Variants in UNC79 observed in about 807,000 individuals in gnomAD.
UNC79 encodes protein unc-79 homolog.
UNC79 carries 37 observed loss-of-function variants against 283.1 expected under a neutral mutation model. The observed-to-expected ratio is 0.13, with a 90% CI of 0.10 to 0.17. UNC79 has a LOEUF of 0.17. Among genes scored for constraint, UNC79 ranks in the 10% least tolerant of loss-of-function variants. The pLI is 1.00. For synonymous variants in UNC79, 1,107 were observed against 1,200.2 expected, an observed-to-expected ratio of 0.92 and a Z score of 1.61; for missense variants, 2,272 against 3,211.1, an observed-to-expected ratio of 0.71 and a Z score of 7.07.
At chr14:93,532,655 C>T in intron 11 of UNC79, 77 bp downstream of exon 11, 1 of 1,569,390 alleles carries the variant, frequency 6.4e-7, no homozygotes, top group Non-Finnish European at 8.7e-7. Context: ...ACATCTGCCT[C>T]ATTTCTGCAC....
intron 14 of UNC79, among the ~76,000 whole-genome samples, chr14:93,562,077 G>A (rs187250686): frequency 9.9e-5 from 15 of 152,278 alleles, no homozygotes; most frequent in Admixed American, 3.3e-4. Flanking sequence ...GAAGTAGTGG[G>A]GAGTACTTGC....
chr14:93,457,937 G>T (rs931073629), intron 1 of UNC79, among the ~76,000 whole-genome samples: 1 of 152,188 alleles, frequency 6.6e-6, no homozygotes, highest in Non-Finnish European at 1.5e-5. Flanking sequence ...ATATGCAGTG[G>T]CAGGTAATTG....
At chr14:93,597,484 G>A (rs775456830) in exon 24 of UNC79, 27 of 1,613,916 alleles carry the variant, frequency 1.7e-5, no homozygotes, top group South Asian at 2.2e-5. Context: ...TGTCAACCCC[G>A]CAGTGGCTAC....
chr14:93,427,434 A>G (rs1454403316), upstream of UNC79, among the ~76,000 whole-genome samples: 1 of 152,196 alleles, frequency 6.6e-6, no homozygotes, highest in East Asian at 1.9e-4. Flanking sequence ...ATTAAAAAAC[A>G]TGTAAAATAA....
intron 26 of UNC79, 49 bp from the exon 28 acceptor site, chr14:93,612,748 C>T (rs772618345): frequency 1.9e-6 from 3 of 1,589,226 alleles, no homozygotes; most frequent in Middle Eastern, 1.7e-4. Flanking sequence ...TTTAGTGTCA[C>T]TTCACTTGTG....
chr14:93,688,698 G>A lies in UNC79; in HGVS notation c.6943G>A (p.Glu2315Lys), dbSNP rs1294428815. The change falls in exon 44 of 49, where the codon GAA becomes AAA. Residue 2315 changes from glutamate (E) to lysine (K), a missense_variant. Glu to Lys is a moderately conservative substitution (Grantham distance 56). Around this residue, in one of 11 missense-constraint regions of UNC79, gnomAD observed 287 missense variants for 446.4 expected, o/e 0.64. Transcript: ENST00000555664. The surrounding 1 kb of genome is among the most constrained non-coding windows in gnomAD (Gnocchi z 4.0). ...GAAGACATGTTCCCAGCCTCTGCAT[G>A]AAGATACCTTTGGGGGACATCTCAA... is the stretch of plus-strand genomic sequence containing the variant. The A allele has an allele frequency of 1.2e-6, 2 of 1,614,004 alleles. No homozygotes were observed.
In UNC79 at chr14:93,660,520, CATATATATATATATATATATAT is replaced by C. The variant is rs57703735; in HGVS notation, c.6525+1282_6525+1303del. Among the ~76,000 whole-genome samples, 102 of 48,732 alleles carry C rather than the reference CATATATATATATATATATATAT, an allele frequency of 2.1e-3. 3 individuals are homozygous for C. The highest frequency in any genetic ancestry group is 3.2e-3 in the Non-Finnish European group (82 of 26,012). 32.0% of individuals were successfully genotyped at this position (48,732 alleles called of 152,430 possible). On this transcript the variant is annotated intron_variant, in intron 39 of 48. Transcript: ENST00000555664. ...TATTGACAATGTTTCAAGACAATAG[CATATATATATATATATATATAT>C]ATATATATATATATATATATATGTG...
intron 1 of UNC79, among the ~76,000 whole-genome samples, chr14:93,456,686 C>G (rs763919455): frequency 6.6e-6 from 1 of 152,210 alleles, no homozygotes; most frequent in Non-Finnish European, 1.5e-5. Flanking sequence ...TAGCTCTAAT[C>G]TCAGTCAAGA....
At chr14:93,660,429 A>G (rs996151923) in intron 39 of UNC79, among the ~76,000 whole-genome samples, 2 of 150,098 alleles carry the variant, frequency 1.3e-5, no homozygotes, top group Non-Finnish European at 3.0e-5. Flanking sequence ...GCTTGAATTC[A>G]GGCTTCTCTT....
At chr14:93,433,850 A>G (rs1204961140) in intron 1 of UNC79, among the ~76,000 whole-genome samples, 1 of 152,192 alleles carries the variant, frequency 6.6e-6, no homozygotes, top group Non-Finnish European at 1.5e-5. Flanking sequence ...AATGTATCAC[A>G]GAGATATGAA....
chr14:93,490,219 C>G (rs955337928), intron 5 of UNC79, among the ~76,000 whole-genome samples: 1 of 152,118 alleles, frequency 6.6e-6, no homozygotes, highest in African/African-American at 2.4e-5. Flanking sequence ...GGTCATTCTT[C>G]CATTGTTTTG....
chr14:93,661,403 A>G (rs2071590186), intron 39 of UNC79, among the ~76,000 whole-genome samples: 2 of 152,230 alleles, frequency 1.3e-5, no homozygotes, highest in African/African-American at 4.8e-5. Context: ...GTCCTTTCCT[A>G]CATATCTTGA....
chr14:93,643,760 A>G, intron 34 of UNC79, 63 bp downstream of exon 37: 1 of 1,575,666 alleles, frequency 6.3e-7, no homozygotes, highest in Non-Finnish European at 8.6e-7. Context: ...ATCTTGAACT[A>G]AAAACTACCA....
At position 93,643,420 on chromosome 14, in the gene UNC79, A is replaced by T; in HGVS notation, c.5904-137A>T. ...ATGGCAGCACTGGAATCCTCTACTG[A>T]TTACCAGAGTGGGGCTCCTGATCTC... On this transcript the variant is annotated intron_variant, in intron 33 of 48. Coordinates refer to ENST00000555664, the Ensembl canonical transcript of UNC79. 3.3e-6 allele frequency: 4 copies of T among 1,194,446 alleles called. No individual in the cohort carries two copies. The South Asian group carries it at 5.5e-5, about 16-fold the overall frequency. The allele number at this position is 1,194,446 out of a possible 1,614,324, so 74.0% of individuals were successfully genotyped here. A position where few individuals can be genotyped will look rare whatever the true frequency, so the allele number is the denominator to read the frequency against.
intron 1 of UNC79, chr14:93,464,570 A>G: frequency 2.2e-6 from 1 of 456,342 alleles, no homozygotes; most frequent in Non-Finnish European, 4.4e-6. Context: ...TCTAAGCGCC[A>G]CAAAATTCAG....
At chr14:93,433,893 T>C (rs2055977400) in intron 1 of UNC79, among the ~76,000 whole-genome samples, 1 of 152,188 alleles carries the variant, frequency 6.6e-6, no homozygotes, top group South Asian at 2.1e-4. Context: ...TGGCATTTTC[T>C]TTTGTGAGAT....
chr14:93,575,321 T>C (rs2063412144), intron 17 of UNC79, 123 bp downstream of exon 17: 4 of 1,200,264 alleles, frequency 3.3e-6, no homozygotes, highest in Non-Finnish European at 3.5e-6. Flanking sequence ...CATCTCGCTG[T>C]GTTCATCTTT....
At chr14:93,563,340 T>A (rs1280911918) in intron 14 of UNC79, among the ~76,000 whole-genome samples, 1 of 152,188 alleles carries the variant, frequency 6.6e-6, no homozygotes, top group Admixed American at 6.5e-5. Flanking sequence ...TGACTCCAGC[T>A]TCCTTTGGAA....
exon 18 of UNC79, chr14:93,578,020 A>C: frequency 6.2e-7 from 1 of 1,614,242 alleles, no homozygotes; most frequent in Non-Finnish European, 8.5e-7. Flanking sequence ...GATGAAATGA[A>C]TCTAAATTGT....
Sources: allele counts gnomAD v4.1 joint callset (sites outside exome capture counted in the v4.1 genomes callset), GRCh38; gene constraint gnomAD v4.1.1; regional missense constraint gnomAD v4.1.1; non-coding constraint Gnocchi (gnomAD v3.1); transcripts MANE v1.5; gene names NCBI Gene and HGNC (gene_info 2026-07-23, HGNC 2026-07-21).